The following PARP16 variants were observed in gnomAD, a reference collection of about 807,000 sequenced individuals.
PARP16 encodes poly(ADP-ribose) polymerase family member 16, also known as protein mono-ADP-ribosyltransferase PARP16.
Under a neutral mutation model 35.0 loss-of-function variants are expected in PARP16, and 31 were observed. That is an observed-to-expected ratio of 0.88 (90% CI 0.66 to 1.19). The LOEUF (loss-of-function observed/expected upper bound fraction) is 1.19. Ranked by LOEUF, PARP16 falls within the 50% of genes most tolerant of loss-of-function variation. PARP16 has a pLI of 0.00. For missense variants in PARP16, 424 were observed against 411.2 expected (o/e 1.03, Z -0.27); for synonymous variants, 162 against 169.5 (o/e 0.96, Z 0.34).
At chr15:65,277,196 C>T (rs1356229053) in intron 1 of PARP16, among the ~76,000 whole-genome samples, 1 of 152,142 alleles carries the variant, frequency 6.6e-6, no homozygotes, top group East Asian at 1.9e-4. Flanking sequence ...CTCTGTGCTT[C>T]TGTGGCTGCC....
intron 3 of PARP16, among the ~76,000 whole-genome samples, chr15:65,237,622 C>A (rs2088921264): frequency 1.3e-5 from 2 of 151,832 alleles, no homozygotes; most frequent in Non-Finnish European, 2.9e-5. Flanking sequence ...CAAGGAAGGC[C>A]AACAGCTGCC....
exon 4 of PARP16, chr15:65,234,568 G>C (rs550694122): frequency 6.6e-6 from 1 of 152,322 alleles, no homozygotes; most frequent in East Asian, 1.9e-4. Flanking sequence ...GGCTTATATA[G>C]TAATAACAAT....
chr15:65,239,470 A>G (rs2088986888), intron 3 of PARP16, among the ~76,000 whole-genome samples: 6 of 139,034 alleles, frequency 4.3e-5, no homozygotes, highest in Non-Finnish European at 9.2e-5. Context: ...AAAGAAAAAA[A>G]AAAGAAAAGA....
At chr15:65,249,743 C>G (rs1286529638) in intron 2 of PARP16, among the ~76,000 whole-genome samples, 1 of 152,262 alleles carries the variant, frequency 6.6e-6, no homozygotes, top group East Asian at 1.9e-4. Context: ...TCAGAGCAGG[C>G]TGATAGCTTG....
intron 3 of PARP16, chr15:65,248,012 G>A (rs997654302): frequency 1.0e-4 from 37 of 363,312 alleles, no homozygotes; most frequent in Middle Eastern, 6.4e-4. Flanking sequence ...CACCGTGTTA[G>A]CCAGGATGGT....
At chr15:65,242,817 C>T (rs889219948) in intron 3 of PARP16, among the ~76,000 whole-genome samples, 5 of 151,800 alleles carry the variant, frequency 3.3e-5, no homozygotes, top group Admixed American at 6.6e-5. Flanking sequence ...CAGGTTCAAG[C>T]GATTCTCCTG....
At chr15:65,262,282 G>A (rs528726357) in intron 4 of PARP16, among the ~76,000 whole-genome samples, 23 of 152,174 alleles carry the variant, frequency 1.5e-4, no homozygotes, top group African/African-American at 5.3e-4. Context: ...ACAGGCACAC[G>A]CCACCACACC....
chr15:65,286,731 T>G lies in PARP16; in HGVS notation c.-305A>C. 1 of 365,958 alleles carries G rather than the reference T, an allele frequency of 2.7e-6. No homozygotes were observed. The highest frequency in any genetic ancestry group is 4.9e-6 in the Non-Finnish European group (1 of 202,240). 22.7% of individuals were successfully genotyped at this position (365,958 alleles called of 1,614,324 possible). On this transcript the variant is annotated 5_prime_UTR_variant, in exon 1 of 6. Transcript: ENST00000649807. ...TGGTGGGGGGGAGGGGTTCCCGGCCTAGGGGAAGGGCTATGACAATGGAAT... is the reference window on the plus strand; with the variant it reads ...TGGTGGGGGGGAGGGGTTCCCGGCCGAGGGGAAGGGCTATGACAATGGAAT...
chr15:65,244,706 C>T (rs1311030501), intron 3 of PARP16, among the ~76,000 whole-genome samples: 1 of 152,204 alleles, frequency 6.6e-6, no homozygotes, highest in African/African-American at 2.4e-5. Context: ...ATGGCTGTAT[C>T]CCCTGCAGCC....
chr15:65,233,534 G>C (rs529017689), downstream of PARP16, among the ~76,000 whole-genome samples: 1 of 152,224 alleles, frequency 6.6e-6, no homozygotes, highest in African/African-American at 2.4e-5. Context: ...AGGCCAGTTC[G>C]AGACCAACCT....
chr15:65,242,144 T>C (rs1333410018), intron 3 of PARP16, among the ~76,000 whole-genome samples: 1 of 152,208 alleles, frequency 6.6e-6, no homozygotes, highest in Non-Finnish European at 1.5e-5. Context: ...TCCCCAAAGG[T>C]ACTTTGTCAC....
intron 3 of PARP16, among the ~76,000 whole-genome samples, chr15:65,245,599 G>C (rs1433069121): frequency 6.6e-6 from 1 of 152,092 alleles, no homozygotes; most frequent in East Asian, 1.9e-4. Context: ...GCAGCTGTTT[G>C]CAATAACTAG....
At chr15:65,266,495 C>T in intron 3 of PARP16, 67 bp downstream of exon 3, 1 of 1,346,684 alleles carries the variant, frequency 7.4e-7, no homozygotes, top group Non-Finnish European at 1.1e-6. Flanking sequence ...TTCTGAATCT[C>T]CCCCTCCCCA....
intron 3 of PARP16, among the ~76,000 whole-genome samples, chr15:65,235,801 C>T (rs1334473295): frequency 1.3e-5 from 2 of 149,104 alleles, no homozygotes; most frequent in South Asian, 2.1e-4. Flanking sequence ...CGTCACTATA[C>T]TCCAGCCTGG....
At chr15:65,241,947 A>G (rs2089090709) in intron 3 of PARP16, among the ~76,000 whole-genome samples, 2 of 152,166 alleles carry the variant, frequency 1.3e-5, no homozygotes, top group Admixed American at 6.6e-5. Flanking sequence ...GTTTTGCCCA[A>G]CCTAAGGTTA....
chr15:65,272,964 G>A (rs1345317911), intron 1 of PARP16, among the ~76,000 whole-genome samples: 1 of 152,062 alleles, frequency 6.6e-6, no homozygotes, highest in Non-Finnish European at 1.5e-5. Flanking sequence ...CTTTGCAAGG[G>A]ATGTAGTTGG....
At chr15:65,280,238 A>G (rs1175057644) in intron 1 of PARP16, among the ~76,000 whole-genome samples, 1 of 151,962 alleles carries the variant, frequency 6.6e-6, no homozygotes, top group Non-Finnish European at 1.5e-5. Context: ...GGAGTTTGAG[A>G]CCAGCCTGGG....
chr15:65,249,323 C>T (rs1325535185), intron 2 of PARP16, among the ~76,000 whole-genome samples: 6 of 151,978 alleles, frequency 3.9e-5, no homozygotes, highest in African/African-American at 7.2e-5. Flanking sequence ...AGCCCCTGGG[C>T]GGGGGTGAAG....
Position 65,271,013 on chromosome 15 carries a change from G to A in PARP16, c.234C>T (p.Asn78=), listed in dbSNP as rs761662147. The part of the protein sequence containing the change: ...LKELLQSSGD[N]HKRAWDLVSW... Reference sequence around the variant, plus strand: ...TCACCAGGTCCCAGGCCCGTTTGTGGTTGTCTCCGGAGGACTGGAGAAGTT... The same window carrying A: ...TCACCAGGTCCCAGGCCCGTTTGTGATTGTCTCCGGAGGACTGGAGAAGTT... Residue 78 remains asparagine (N), a synonymous_variant, in exon 2 of 6, where the codon AAC becomes AAT. Transcript: ENST00000649807. 5 of 1,614,016 alleles carry A rather than the reference G, an allele frequency of 3.1e-6. No homozygotes were observed. The highest frequency in any genetic ancestry group is 3.4e-6 in the Non-Finnish European group (4 of 1,179,878).
Sources: gnomAD v4.1 joint callset for allele counts (sites outside exome capture counted in the v4.1 genomes callset) on GRCh38, gnomAD v4.1.1 for gene constraint, MANE v1.5 for transcripts, NCBI Gene and HGNC (gene_info 2026-07-23, HGNC 2026-07-21) for gene names.